GATA4: variants seen among roughly 807,000 people sequenced by gnomAD.
GATA4 encodes the protein transcription factor GATA-4.
GATA4 carries 7 observed loss-of-function variants against 37.9 expected under a neutral mutation model. The ratio of observed to expected loss-of-function variants is 0.18; its 90% CI spans 0.11 to 0.35. The LOEUF (loss-of-function observed/expected upper bound fraction) is 0.35, where lower values mean the gene tolerates loss of function less well. Among genes scored for constraint, GATA4 ranks in the 10% least tolerant of loss-of-function variants. The pLI, the probability that GATA4 is intolerant of heterozygous loss-of-function variation, is 1.00. For synonymous variants in GATA4, 372 were observed against 292.6 expected (o/e 1.27, Z -2.77); for missense variants, 647 against 653.0 (o/e 0.99, Z 0.10).
intron 2 of GATA4, among the ~76,000 whole-genome samples, chr8:11,738,257 A>C (rs1399169774): frequency 6.6e-6 from 1 of 152,014 alleles, no homozygotes; most frequent in African/African-American, 2.4e-5. Context: ...TAAAAGGTAC[A>C]CAACAGCAAA....
In GATA4 at chr8:11,709,558, G is replaced by T. The variant is rs1356058681; in HGVS notation, c.616+630G>T. 1.4e-5 allele frequency among the ~76,000 whole-genome samples: 2 copies of T among 145,166 alleles called. No individual in the cohort carries two copies. Among genetic ancestry groups the T allele is most frequent in the Non-Finnish European group, 3.0e-5 (2 of 65,880 alleles). ...GGGTGCCACCCGGCCGAGCGCGTGG[G>T]CGCATCATGCGGGCAGCGGGGGGGG... On this transcript the variant is annotated intron_variant, in intron 2 of 6. Transcript: ENST00000532059. This position sits in a 1 kb window ranked among gnomAD's most constrained non-coding sequence, Gnocchi z 4.3.
upstream of GATA4, chr8:11,692,531 G>A: frequency 3.0e-6 from 3 of 985,460 alleles, no homozygotes; most frequent in Non-Finnish European, 3.6e-6. Flanking sequence ...CTATGCTCAT[G>A]CGGATCTAGA....
chr8:11,738,405 T>C (rs1176332521), intron 2 of GATA4, among the ~76,000 whole-genome samples: 1 of 152,168 alleles, frequency 6.6e-6, no homozygotes, highest in East Asian at 1.9e-4. Context: ...CCCTTCTTTT[T>C]GTAAGAGAAT....
At chr8:11,738,239 T>G (rs908298099) in intron 2 of GATA4, among the ~76,000 whole-genome samples, 1 of 151,106 alleles carries the variant, frequency 6.6e-6, no homozygotes, top group Non-Finnish European at 1.5e-5. Context: ...TAAACATAGT[T>G]GAGTATTTAA....
In GATA4 at chr8:11,708,126, T is replaced by C. The variant is rs905912356; in HGVS notation, c.-187T>C. On this transcript the variant is annotated 5_prime_UTR_variant, in exon 2 of 7. Transcript: ENST00000532059. This position sits in a 1 kb window ranked among gnomAD's most constrained non-coding sequence, Gnocchi z 6.7. ...CGGAGTAAACAAGAGCCTAGAGCCC[T>C]TTGCTCAATGCTGGATTTAATACGT... 9 of 732,198 alleles carry C rather than the reference T, an allele frequency of 1.2e-5. No homozygotes were observed. Among genetic ancestry groups the C allele is most frequent in the East Asian group, 8.1e-5 (3 of 36,938 alleles). The allele number at this position is 732,198 out of a possible 1,614,324, so 45.4% of individuals were successfully genotyped here.
chr8:11,727,965 G>A (rs919634628), intron 2 of GATA4, among the ~76,000 whole-genome samples: 4 of 152,256 alleles, frequency 2.6e-5, no homozygotes, highest in African/African-American at 9.6e-5. Flanking sequence ...CATGTAGTAA[G>A]TGTCTATAAA....
intron 4 of GATA4, among the ~76,000 whole-genome samples, chr8:11,753,473 G>A (rs1314520786): frequency 6.8e-6 from 1 of 147,330 alleles, no homozygotes; most frequent in African/African-American, 2.6e-5. Flanking sequence ...TTTAAGTTAG[G>A]TGTGTTTCAT....
At chr8:11,747,915 G>A (rs1802108388) in intron 2 of GATA4, among the ~76,000 whole-genome samples, 1 of 152,160 alleles carries the variant, frequency 6.6e-6, no homozygotes, top group Non-Finnish European at 1.5e-5. Flanking sequence ...GAATTATATA[G>A]CTTGGCAAAA....
At chr8:11,746,558 C>G (rs543334998) in intron 2 of GATA4, among the ~76,000 whole-genome samples, 1 of 152,206 alleles carries the variant, frequency 6.6e-6, no homozygotes, top group Non-Finnish European at 1.5e-5. Context: ...CGACGTTGCC[C>G]GCGCCCGCCT....
intron 2 of GATA4, among the ~76,000 whole-genome samples, chr8:11,712,339 G>A (rs1048353427): frequency 5.3e-5 from 8 of 152,132 alleles, no homozygotes; most frequent in African/African-American, 1.9e-4. Flanking sequence ...CATCGTTGTG[G>A]TTTGGTAATG....
chr8:11,685,917 C>T (rs1031365733), intron 1 of GATA4, among the ~76,000 whole-genome samples: 1 of 152,092 alleles, frequency 6.6e-6, no homozygotes, highest in Non-Finnish European at 1.5e-5. Flanking sequence ...AAAGTCAGAG[C>T]TTTGTTGGTG....
chr8:11,759,075 A>C lies in GATA4; in HGVS notation c.*600A>C. ...ACCCACCACAGCACAGCCTCATCAA[A>C]ATGCAGCTGGCAACTTCTCCCCCAG... On this transcript the variant is annotated 3_prime_UTR_variant, in exon 7 of 7. Transcript: ENST00000532059. The C allele has an allele frequency of 6.3e-6, 1 of 158,420 alleles. No homozygotes were observed. Among genetic ancestry groups the C allele is most frequent in the Non-Finnish European group, 1.4e-5 (1 of 71,680 alleles). 9.8% of individuals were successfully genotyped at this position (158,420 alleles called of 1,614,324 possible).
intron 2 of GATA4, among the ~76,000 whole-genome samples, chr8:11,743,149 A>C (rs1474443130): frequency 6.6e-6 from 1 of 152,238 alleles, no homozygotes; most frequent in Non-Finnish European, 1.5e-5. Context: ...TGGGCTGGGC[A>C]CCACTGTGAG....
Position 11,748,911 on chromosome 8 carries a change from C to A in GATA4, c.617-5C>A, listed in dbSNP as rs761579469. ...GTCTTTTCTTGTCTGTTCCCCCCAA[C>A]TCAGTAGATATGTTTGACGACTTCT... is the stretch of plus-strand genomic sequence containing the variant. On this transcript the variant is annotated splice_region_variant and splice_polypyrimidine_tract_variant and intron_variant, in intron 2 of 6. Transcript: ENST00000532059. 6.2e-7 allele frequency: 1 copy of A among 1,614,228 alleles called. No individual in the cohort carries two copies. Among genetic ancestry groups the A allele is most frequent in the South Asian group, 1.1e-5 (1 of 91,092 alleles).
chr8:11,752,354 G>A (rs1802345757), intron 4 of GATA4, among the ~76,000 whole-genome samples: 1 of 152,236 alleles, frequency 6.6e-6, no homozygotes, highest in Non-Finnish European at 1.5e-5. Context: ...TGGACTCACA[G>A]TTCCACATCG....
At chr8:11,742,463 A>ACAAAC (rs1170441648) in intron 2 of GATA4, among the ~76,000 whole-genome samples, 6 of 150,844 alleles carry the variant, frequency 4.0e-5, no homozygotes, top group African/African-American at 1.2e-4. Context: ...ACAAAACAAA[A>ACAAAC]CTGAGTCACA....
At chr8:11,745,613 A>G (rs1801992436) in intron 2 of GATA4, among the ~76,000 whole-genome samples, 1 of 151,224 alleles carries the variant, frequency 6.6e-6, no homozygotes, top group East Asian at 2.0e-4. Flanking sequence ...ACATCAGTGT[A>G]GTGTGGGAAA....
chr8:11,680,590 G>C, intron 1 of GATA4: 1 of 985,356 alleles, frequency 1.0e-6, no homozygotes, highest in South Asian at 4.7e-5. Context: ...GCTATGCCCA[G>C]CCGGGTCCGA....
chr8:11,744,620 G>A (rs757336759), intron 2 of GATA4, among the ~76,000 whole-genome samples: 3 of 152,190 alleles, frequency 2.0e-5, no homozygotes, highest in Non-Finnish European at 4.4e-5. Context: ...TAACATTGTA[G>A]GGCCAACGTT....
Sources: allele counts gnomAD v4.1 joint callset (sites outside exome capture counted in the v4.1 genomes callset), GRCh38; gene constraint gnomAD v4.1.1; non-coding constraint Gnocchi (gnomAD v3.1); transcripts MANE v1.5; gene names NCBI Gene and HGNC (gene_info 2026-07-23, HGNC 2026-07-21).